Variants in PCDH15 observed in about 807,000 individuals in gnomAD.
PCDH15 encodes the protein protocadherin-15.
PCDH15 carries 129 observed loss-of-function variants against 178.5 expected under a neutral mutation model. The observed-to-expected ratio is 0.72, with a 90% CI of 0.63 to 0.84. The LOEUF (loss-of-function observed/expected upper bound fraction) is 0.84, where lower values mean the gene tolerates loss of function less well. PCDH15 is among the 40% of genes least tolerant of loss of function. The pLI is 0.00. For synonymous variants in PCDH15, 800 were observed against 732.0 expected (o/e 1.09, Z -1.50); for missense variants, 2,230 against 2,099.9 (o/e 1.06, Z -1.21).
chr10:55,251,831 T>C (rs1469844313), intron 1 of PCDH15, among the ~76,000 whole-genome samples: 2 of 152,174 alleles, frequency 1.3e-5, no homozygotes, highest in African/African-American at 4.8e-5. Flanking sequence ...TGATACACAA[T>C]ACATGTCCAA....
intron 2 of PCDH15, among the ~76,000 whole-genome samples, chr10:54,988,746 A>C (rs1839432237): frequency 6.6e-6 from 1 of 152,218 alleles, no homozygotes; most frequent in Non-Finnish European, 1.5e-5. Flanking sequence ...GCAGAGCATT[A>C]AGTTCAGAAA....
chr10:54,110,529 TA>T (rs2095000047), intron 15 of PCDH15, among the ~76,000 whole-genome samples: 1 of 152,194 alleles, frequency 6.6e-6, no homozygotes, highest in Non-Finnish European at 1.5e-5. Context: ...ACACAGTGGT[TA>T]AATTAGGACA....
rs185282204 is a variant in PCDH15 at position 54,458,726 on chromosome 10, G to A, written c.157+69086C>T. On this transcript the variant is annotated intron_variant, in intron 3 of 37. Transcript: ENST00000644397. ...CTGACTTCCTTCAAAACATACTTCA[G>A]TGACTGAACTCAACAGTCATTGTAG... Among the ~76,000 whole-genome samples, 3 of 152,218 alleles carry A rather than the reference G, an allele frequency of 2.0e-5. No individual in the cohort carries two copies. In the East Asian group the frequency reaches 5.8e-4, roughly 29 times the overall value.
chr10:54,367,669 G>A (rs1246965813), intron 5 of PCDH15, among the ~76,000 whole-genome samples: 1 of 151,806 alleles, frequency 6.6e-6, no homozygotes, highest in Non-Finnish European at 1.5e-5. Context: ...GAGTGAGGGG[G>A]TAGGAGAGGG....
chr10:55,212,228 GT>G (rs2132171873), intron 1 of PCDH15, among the ~76,000 whole-genome samples: 1 of 152,192 alleles, frequency 6.6e-6, no homozygotes, highest in South Asian at 2.1e-4. Flanking sequence ...GTCCTAACCA[GT>G]TTTTCACAGC....
At chr10:55,159,301 T>A (rs1009421098) in intron 2 of PCDH15, among the ~76,000 whole-genome samples, 1 of 149,632 alleles carries the variant, frequency 6.7e-6, no homozygotes. Context: ...TATAGTTATA[T>A]ATATATCTCT....
Position 54,467,610 on chromosome 10 carries a change from T to G in PCDH15, c.157+60202A>C, listed in dbSNP as rs548228194. On this transcript the variant is annotated intron_variant, in intron 3 of 37. Transcript: ENST00000644397. ...AGGATATCAAGCTGTAGTTTTTTTT[T>G]TTTTTTTTTTTTTTTTGGTTATTGT... Among the ~76,000 whole-genome samples, 110 of 147,374 alleles carry G rather than the reference T, an allele frequency of 7.5e-4. 1 individual carries two copies. The East Asian group carries it at 0.017, about 23-fold the overall frequency.
intron 2 of PCDH15, among the ~76,000 whole-genome samples, chr10:55,365,254 C>CA (rs1370521598): frequency 6.6e-6 from 1 of 152,084 alleles, no homozygotes; most frequent in Non-Finnish European, 1.5e-5. Context: ...ACAGTAGGAA[C>CA]AATATGTTTA....
chr10:53,984,825 T>C (rs972194640), intron 21 of PCDH15, among the ~76,000 whole-genome samples: 6 of 152,202 alleles, frequency 3.9e-5, no homozygotes, highest in East Asian at 3.8e-4. Context: ...TTATGGTACA[T>C]TGTATTATAG....
At chr10:54,478,933 T>G (rs775532962) in intron 3 of PCDH15, among the ~76,000 whole-genome samples, 2 of 151,658 alleles carry the variant, frequency 1.3e-5, no homozygotes, top group African/African-American at 4.8e-5. Context: ...AGAGTTATTA[T>G]GTGTGTCATA....
intron 1 of PCDH15, among the ~76,000 whole-genome samples, chr10:54,732,277 G>GAGAGCC (rs1943521145): frequency 6.6e-6 from 1 of 151,166 alleles, no homozygotes; most frequent in Admixed American, 6.6e-5. Context: ...TTAACCTCCA[G>GAGAGCC]AGAGCCAGAG....
intron 2 of PCDH15, among the ~76,000 whole-genome samples, chr10:54,629,500 C>T (rs2093644304): frequency 6.6e-6 from 1 of 152,056 alleles, no homozygotes; most frequent in Admixed American, 6.6e-5. Context: ...ATAACCATAT[C>T]ATTATTTCAA....
intron 2 of PCDH15, among the ~76,000 whole-genome samples, chr10:55,625,019 T>A (rs575972752): frequency 2.6e-5 from 4 of 152,282 alleles, no homozygotes; most frequent in African/African-American, 9.6e-5. Flanking sequence ...TGTAAATATA[T>A]GAAATTAAAA....
chr10:54,028,806 G>T (rs1490295444), intron 18 of PCDH15, among the ~76,000 whole-genome samples: 6 of 141,562 alleles, frequency 4.2e-5, no homozygotes, highest in African/African-American at 1.6e-4. Context: ...GGGGAGGGGG[G>T]AGGGATAGCA....
At chr10:55,603,637 C>A (rs1448934387) in intron 2 of PCDH15, among the ~76,000 whole-genome samples, 4 of 150,872 alleles carry the variant, frequency 2.7e-5, no homozygotes, top group Non-Finnish European at 4.4e-5. Flanking sequence ...TCATATCCAG[C>A]CAAACTAAGC....
At chr10:55,359,720 G>GTA (rs57949952) in intron 2 of PCDH15, among the ~76,000 whole-genome samples, 11,464 of 112,112 alleles carry the variant, frequency 0.1, 420 homozygotes, top group East Asian at 0.23. Flanking sequence ...AAAATGTGGT[G>GTA]TATATATATA....
chr10:55,197,773 G>A (rs552981155), intron 1 of PCDH15, among the ~76,000 whole-genome samples: 1 of 152,094 alleles, frequency 6.6e-6, no homozygotes, highest in East Asian at 1.9e-4. Flanking sequence ...CTTTTAAGTG[G>A]TATTACAGTG....
intron 2 of PCDH15, among the ~76,000 whole-genome samples, chr10:55,070,158 A>T (rs1841692390): frequency 6.6e-6 from 1 of 151,228 alleles, no homozygotes; most frequent in Non-Finnish European, 1.5e-5. Flanking sequence ...GTTTGAGTTC[A>T]TTGTAGATTC....
intron 1 of PCDH15, among the ~76,000 whole-genome samples, chr10:55,262,834 G>T (rs1290996771): frequency 1.3e-5 from 2 of 152,152 alleles, no homozygotes; most frequent in African/African-American, 4.8e-5. Flanking sequence ...AAGACAGAGG[G>T]TCTAATTGAA....
Sources: allele counts gnomAD v4.1 joint callset (sites outside exome capture counted in the v4.1 genomes callset), GRCh38; gene constraint gnomAD v4.1.1; transcripts MANE v1.5; gene names NCBI Gene and HGNC (gene_info 2026-07-23, HGNC 2026-07-21).